Variants in TET1 observed in about 807,000 individuals in gnomAD.
The protein encoded by TET1 is methylcytosine dioxygenase TET1.
TET1 carries 13 observed loss-of-function variants against 148.7 expected under a neutral mutation model. That is an observed-to-expected ratio of 0.09 (90% CI 0.06 to 0.14). The LOEUF (loss-of-function observed/expected upper bound fraction) is 0.14. TET1 is among the 10% of genes least tolerant of loss of function. TET1 has a pLI of 1.00. For synonymous variants in TET1, 907 were observed against 937.2 expected, an observed-to-expected ratio of 0.97 and a Z score of 0.59; for missense variants, 2,182 against 2,553.8, an observed-to-expected ratio of 0.85 and a Z score of 3.14.
At chr10:68,588,431 T>A (rs2053883577) in intron 2 of TET1, among the ~76,000 whole-genome samples, 1 of 152,184 alleles carries the variant, frequency 6.6e-6, no homozygotes, top group Non-Finnish European at 1.5e-5. Flanking sequence ...GGTAACTTGC[T>A]TAAGAACATA....
At chr10:68,677,671 C>T (rs897098991) in intron 8 of TET1, among the ~76,000 whole-genome samples, 3 of 151,944 alleles carry the variant, frequency 2.0e-5, no homozygotes, top group South Asian at 2.1e-4. Flanking sequence ...TTAATTGAGA[C>T]GGAGTTTCGG....
intron 8 of TET1, chr10:68,674,206 T>C (rs1357258342): frequency 6.5e-6 from 1 of 153,176 alleles, no homozygotes; most frequent in Non-Finnish European, 1.5e-5. Flanking sequence ...TCAGGTGAGA[T>C]CTGTAGTCCC....
At position 68,572,306 on chromosome 10, in the gene TET1, C is replaced by T; in HGVS notation, c.-33C>T. 1.3e-6 allele frequency: 2 copies of T among 1,538,128 alleles called. No individual in the cohort carries two copies. Among genetic ancestry groups the T allele is most frequent in the Non-Finnish European group, 8.7e-7 (1 of 1,142,906 alleles). ...TCCAAAGGACCAATGACTCTGTTTC[C>T]TGCGCCCTTTCATTTTTTCCTACTC... On this transcript the variant is annotated 5_prime_UTR_variant, in exon 2 of 12. Coordinates refer to ENST00000373644, the MANE Select transcript of TET1 (RefSeq NM_030625.3).
chr10:68,562,549 G>C (rs563031931), intron 1 of TET1, among the ~76,000 whole-genome samples: 9 of 152,172 alleles, frequency 5.9e-5, no homozygotes, highest in Admixed American at 1.3e-4. Flanking sequence ...TTAAAGCTAA[G>C]TTGTGGTTTC....
rs184379872 is a variant in TET1 at position 68,581,678 on chromosome 10, C to T, written c.1914+7426C>T. Among the ~76,000 whole-genome samples the T allele has an allele frequency of 1.4e-3, 211 of 151,814 alleles. 1 individual carries two copies. The highest frequency in any genetic ancestry group is 1.4e-3 in the Non-Finnish European group (94 of 67,930). The stretch of plus-strand genomic sequence containing the variant: ...GCAACATGGTGAAACCCCGTTTCTC[C>T]AAAAAAATACAAAAATATTAGCTGC... On this transcript the variant is annotated intron_variant, in intron 2 of 11. Coordinates refer to ENST00000373644, the MANE Select transcript of TET1 (RefSeq NM_030625.3).
At chr10:68,660,458 G>A (rs1431216034) in intron 6 of TET1, among the ~76,000 whole-genome samples, 2 of 150,318 alleles carry the variant, frequency 1.3e-5, no homozygotes, top group Non-Finnish European at 3.0e-5. Context: ...TCCTGTCTCA[G>A]CCTGCTAAGT....
intron 3 of TET1, among the ~76,000 whole-genome samples, chr10:68,624,638 TTCTTTCTTTCTTTCTTTCTTTCTC>T (rs1482997762): frequency 1.9e-4 from 9 of 47,196 alleles, no homozygotes; most frequent in East Asian, 5.1e-4. Flanking sequence ...CTTTCTTTCT[TTCTTTCTTTCTTTCTTTCTTTCTC>T]TCTCTCTCTC....
chr10:68,573,386 G>A lies in TET1; in HGVS notation c.1048G>A (p.Glu350Lys), dbSNP rs767493807. The part of the protein sequence containing the change: ...GAKPDHQEAF[E>K]ATANQQEVSD... ...TAAACCAGATCATCAAGAGGCCTTC[G>A]AAGCTACTGCAAATCAACAGGAAGT... The change falls in exon 2 of 12, where the codon GAA (glutamate) becomes AAA (lysine). Residue 350 changes from glutamate (E) to lysine (K), a missense_variant. Around this residue, in one of 11 missense-constraint regions of TET1, gnomAD observed 665 missense variants for 672.4 expected, o/e 0.99. Transcript: ENST00000373644. 5.6e-6 allele frequency: 9 copies of A among 1,614,064 alleles called. No individual in the cohort carries two copies. Among genetic ancestry groups the A allele is most frequent in the Admixed American group, 3.3e-5 (2 of 60,010 alleles).
intron 3 of TET1, among the ~76,000 whole-genome samples, chr10:68,633,618 A>G (rs1453321200): frequency 6.6e-6 from 1 of 152,116 alleles, no homozygotes; most frequent in African/African-American, 2.4e-5. Context: ...TTGTAGAGAT[A>G]GGGTTTCACC....
chr10:68,636,696 C>T (rs2133048820), intron 3 of TET1, among the ~76,000 whole-genome samples: 1 of 152,256 alleles, frequency 6.6e-6, no homozygotes, highest in Middle Eastern at 3.4e-3. Flanking sequence ...TGAAGAGATT[C>T]TGGAAACTTC....
chr10:68,586,147 TA>T (rs753408719), intron 2 of TET1, among the ~76,000 whole-genome samples: 2 of 152,214 alleles, frequency 1.3e-5, no homozygotes, highest in Non-Finnish European at 2.9e-5. Context: ...TAGCTAGGAC[TA>T]TACATGTGTG....
Position 68,595,963 on chromosome 10 carries a change from C to CAT in TET1, c.1915-5017_1915-5016insTA, listed in dbSNP as rs1205077346. Among the ~76,000 whole-genome samples, 81 of 26,124 alleles carry CAT rather than the reference C, an allele frequency of 3.1e-3. 1 individual carries two copies. Among genetic ancestry groups the CAT allele is most frequent in the African/African-American group, 9.0e-3 (68 of 7,544 alleles). 17.1% of individuals were successfully genotyped at this position (26,124 alleles called of 152,430 possible). A position where few individuals can be genotyped will look rare whatever the true frequency, so the allele number is the denominator to read the frequency against. On this transcript the variant is annotated intron_variant, in intron 2 of 11. Transcript: ENST00000373644. The stretch of plus-strand genomic sequence containing the variant: ...ATATATATATATATATATATATATA[C>CAT]ACACACACACACACATATATACACA...
chr10:68,597,159 G>A (rs112447710), intron 2 of TET1, among the ~76,000 whole-genome samples: 2,486 of 150,294 alleles, frequency 0.017, 59 homozygotes, highest in African/African-American at 0.055. Flanking sequence ...TCAGTCTCCC[G>A]AGTAGTTGGG....
At position 68,651,946 on chromosome 10, in the gene TET1, T is replaced by TC. The variant is rs747825161; in HGVS notation, c.4367+10_4367+11insC. 1 of 1,607,756 alleles carries TC rather than the reference T, an allele frequency of 6.2e-7. No homozygotes were observed. The highest frequency in any genetic ancestry group is 2.2e-5 in the East Asian group (1 of 44,828). ...AAATCATGGAGAATAGGTGAGGAAATACGCTTCCCTGTTAAAATCATTCTT... is the reference window on the plus strand; with the variant it reads ...AAATCATGGAGAATAGGTGAGGAAATCACGCTTCCCTGTTAAAATCATTCTT... On this transcript the variant is annotated intron_variant, in intron 5 of 11. Coordinates refer to ENST00000373644, the MANE Select transcript of TET1 (RefSeq NM_030625.3).
intron 2 of TET1, among the ~76,000 whole-genome samples, chr10:68,596,011 C>T (rs1296515020): frequency 3.8e-4 from 40 of 105,858 alleles, no homozygotes; most frequent in African/African-American, 1.4e-3. Flanking sequence ...CACACACACA[C>T]ACACACACAC....
intron 6 of TET1, among the ~76,000 whole-genome samples, chr10:68,656,083 C>A (rs566522762): frequency 1.3e-5 from 2 of 152,304 alleles, no homozygotes; most frequent in South Asian, 2.1e-4. Context: ...ACCTCACCCC[C>A]AGATGGGACC....
At chr10:68,636,282 T>TA (rs1375375663) in intron 3 of TET1, among the ~76,000 whole-genome samples, 1 of 151,956 alleles carries the variant, frequency 6.6e-6, no homozygotes, top group Non-Finnish European at 1.5e-5. Context: ...ATTTGCACGT[T>TA]AAAAAAAATT....
intron 1 of TET1, among the ~76,000 whole-genome samples, chr10:68,569,954 A>G (rs987087710): frequency 6.6e-6 from 1 of 151,908 alleles, no homozygotes; most frequent in Admixed American, 6.6e-5. Flanking sequence ...ATACTTTAGT[A>G]TTTTTTCTTT....
At chr10:68,631,433 CTTTTTTTTT>C (rs546257824) in intron 3 of TET1, among the ~76,000 whole-genome samples, 43 of 110,578 alleles carry the variant, frequency 3.9e-4, no homozygotes, top group African/African-American at 8.7e-4. Flanking sequence ...TTTCTTTCTT[CTTTTTTTTT>C]TTTTTTTTTT....
Sources: allele counts gnomAD v4.1 joint callset (sites outside exome capture counted in the v4.1 genomes callset), GRCh38; gene constraint gnomAD v4.1.1; regional missense constraint gnomAD v4.1.1; transcripts MANE v1.5; gene names NCBI Gene and HGNC (gene_info 2026-07-23, HGNC 2026-07-21).